STPG2: variants seen among roughly 807,000 people sequenced by gnomAD.
STPG2 encodes sperm-tail PG-rich repeat-containing protein 2.
A neutral mutation model predicts 54.2 loss-of-function variants in STPG2; 56 were observed. That is an observed-to-expected ratio of 1.03 (90% CI 0.83 to 1.29). STPG2 has a LOEUF of 1.29. STPG2 is among the 50% of genes most tolerant of loss of function. The pLI, the probability that STPG2 is intolerant of heterozygous loss-of-function variation, is 0.00. For missense variants in STPG2, 596 were observed against 544.9 expected, an observed-to-expected ratio of 1.09 and a Z score of -0.93; for synonymous variants, 200 against 181.8, an observed-to-expected ratio of 1.10 and a Z score of -0.81.
At chr4:97,605,830 T>G (rs80041884) in intron 10 of STPG2, among the ~76,000 whole-genome samples, 1 of 149,578 alleles carries the variant, frequency 6.7e-6, no homozygotes, top group Non-Finnish European at 1.5e-5. Context: ...AAAAAAAAAA[T>G]CTGTGTTTAG....
intron 4 of STPG2, among the ~76,000 whole-genome samples, chr4:97,479,086 A>G (rs1730152767): frequency 6.6e-6 from 1 of 151,928 alleles, no homozygotes; most frequent in East Asian, 1.9e-4. Flanking sequence ...AAAAAATTTG[A>G]AACTATTAGA....
intron 10 of STPG2, among the ~76,000 whole-genome samples, chr4:97,564,450 T>A (rs1732363846): frequency 6.6e-6 from 1 of 152,186 alleles, no homozygotes; most frequent in South Asian, 2.1e-4. Context: ...GTTAATATTG[T>A]TATGTGTGTA....
intron 5 of STPG2, among the ~76,000 whole-genome samples, chr4:98,013,580 C>CTTT (rs34198207): frequency 1.5e-4 from 11 of 74,604 alleles, no homozygotes; most frequent in East Asian, 9.9e-4. Flanking sequence ...TGGTCCTGGG[C>CTTT]TTTTTTTTTT....
At chr4:97,835,237 C>T (rs759223295) in intron 9 of STPG2, among the ~76,000 whole-genome samples, 5 of 152,088 alleles carry the variant, frequency 3.3e-5, no homozygotes, top group Non-Finnish European at 7.4e-5. Context: ...CTGATACACT[C>T]CCACCAGTGC....
At chr4:97,531,970 A>C (rs964897998) in intron 4 of STPG2, among the ~76,000 whole-genome samples, 2 of 152,174 alleles carry the variant, frequency 1.3e-5, no homozygotes, top group Admixed American at 1.3e-4. Context: ...CAAAATATCT[A>C]ATGTACTCCA....
intron 8 of STPG2, among the ~76,000 whole-genome samples, chr4:97,859,563 CA>C (rs1306711064): frequency 2.0e-5 from 3 of 151,090 alleles, no homozygotes; most frequent in Non-Finnish European, 4.4e-5. Flanking sequence ...CTCCCAGGTT[CA>C]AGTGATTCTC....
chr4:97,782,390 C>T (rs1726670806), intron 9 of STPG2, among the ~76,000 whole-genome samples: 1 of 152,126 alleles, frequency 6.6e-6, no homozygotes, highest in African/African-American at 2.4e-5. Context: ...AGAACCTCTT[C>T]AAGGAGAACT....
intron 9 of STPG2, among the ~76,000 whole-genome samples, chr4:97,797,489 T>C (rs1037236650): frequency 3.9e-5 from 6 of 152,208 alleles, no homozygotes; most frequent in African/African-American, 1.4e-4. Context: ...CTGGATTACG[T>C]TTATTGATTT....
chr4:98,015,691 G>C (rs1735921027), intron 5 of STPG2, among the ~76,000 whole-genome samples: 1 of 152,096 alleles, frequency 6.6e-6, no homozygotes, highest in African/African-American at 2.4e-5. Flanking sequence ...ATATGACCCA[G>C]CAATTCCATT....
intron 4 of STPG2, among the ~76,000 whole-genome samples, chr4:97,518,744 C>G (rs1387232290): frequency 6.6e-6 from 1 of 152,064 alleles, no homozygotes; most frequent in Non-Finnish European, 1.5e-5. Flanking sequence ...CAAAAGTCCT[C>G]CAAATGAACT....
intron 5 of STPG2, among the ~76,000 whole-genome samples, chr4:98,053,779 T>C (rs968728917): frequency 6.6e-6 from 1 of 152,124 alleles, no homozygotes; most frequent in Non-Finnish European, 1.5e-5. Flanking sequence ...CACTGAAAGC[T>C]AAAGATATAT....
chr4:97,752,431 C>T (rs1194649069), intron 9 of STPG2, among the ~76,000 whole-genome samples: 1 of 151,756 alleles, frequency 6.6e-6, no homozygotes, highest in African/African-American at 2.4e-5. Context: ...GAAACAATTT[C>T]TCTAAAGTTC....
At chr4:97,831,139 C>A (rs1479595639) in intron 9 of STPG2, among the ~76,000 whole-genome samples, 2 of 152,144 alleles carry the variant, frequency 1.3e-5, no homozygotes, top group African/African-American at 4.8e-5. Context: ...CACTCTTCAG[C>A]AAATGCAAAA....
At chr4:97,841,500 T>C (rs958972700) in intron 8 of STPG2, among the ~76,000 whole-genome samples, 1 of 151,804 alleles carries the variant, frequency 6.6e-6, no homozygotes, top group African/African-American at 2.4e-5. Context: ...CTAAATGAAA[T>C]ATAAGTGCCA....
chr4:97,857,040 G>C (rs1387129271), intron 8 of STPG2, among the ~76,000 whole-genome samples: 2 of 152,108 alleles, frequency 1.3e-5, no homozygotes, highest in Admixed American at 1.3e-4. Context: ...ATTTTGATGT[G>C]CTGCTGGATC....
At chr4:97,484,716 C>G (rs1730310460) in intron 4 of STPG2, among the ~76,000 whole-genome samples, 1 of 151,722 alleles carries the variant, frequency 6.6e-6, no homozygotes, top group African/African-American at 2.4e-5. Context: ...TTCTATGAGG[C>G]CAGCATCACC....
intron 9 of STPG2, 149 bp downstream of exon 9, chr4:97,840,624 G>A (rs754330545): frequency 7.6e-6 from 6 of 790,300 alleles, no homozygotes; most frequent in Non-Finnish European, 7.8e-6. Context: ...ATGTTATTTT[G>A]TTACAGCACT....
intron 10 of STPG2, among the ~76,000 whole-genome samples, chr4:97,602,340 T>C (rs1162317774): frequency 6.6e-6 from 1 of 151,842 alleles, no homozygotes. Context: ...CAGTTTTTGT[T>C]CTTTAAAACT....
intron 9 of STPG2, among the ~76,000 whole-genome samples, chr4:97,796,420 G>C (rs1158286036): frequency 2.0e-5 from 3 of 152,044 alleles, no homozygotes; most frequent in Non-Finnish European, 4.4e-5. Context: ...TCTACATATG[G>C]CTAGCCAGTT....
Sources: gnomAD v4.1 joint callset for allele counts (sites outside exome capture counted in the v4.1 genomes callset) on GRCh38, gnomAD v4.1.1 for gene constraint, MANE v1.5 for transcripts, NCBI Gene and HGNC (gene_info 2026-07-23, HGNC 2026-07-21) for gene names.